Variants in CHST9 observed in about 807,000 individuals in gnomAD.
CHST9 encodes the protein GalNAc-4-sulfotransferase 2.
CHST9 carries 41 observed loss-of-function variants against 44.4 expected under a neutral mutation model. That is an observed-to-expected ratio of 0.92 (90% CI 0.72 to 1.20). The LOEUF is 1.20. Ranked by LOEUF, CHST9 falls within the 50% of genes most tolerant of loss-of-function variation. The probability of loss-of-function intolerance (pLI) is 0.00; values close to 1 mark genes in which losing one functional copy is unlikely to be tolerated. For missense variants in CHST9, 504 were observed against 516.5 expected (o/e 0.98, Z 0.23); for synonymous variants, 171 against 178.4 (o/e 0.96, Z 0.33).
chr18:27,073,032 T>C (rs2057858593), intron 2 of CHST9, among the ~76,000 whole-genome samples: 2 of 152,088 alleles, frequency 1.3e-5, no homozygotes, highest in South Asian at 2.1e-4. Context: ...TTGAGAAGCG[T>C]TGGGCTAAAT....
At position 26,979,668 on chromosome 18, in the gene CHST9, C is replaced by T. The variant is rs1264324480; in HGVS notation, c.203-35302G>A. 2.6e-5 allele frequency among the ~76,000 whole-genome samples: 4 copies of T among 152,122 alleles called. 1 individual carries two copies. The highest frequency in any genetic ancestry group is 4.8e-5 in the African/African-American group (2 of 41,436). On this transcript the variant is annotated intron_variant, in intron 4 of 5. Coordinates refer to ENST00000618847, the MANE Select transcript of CHST9 (RefSeq NM_031422.6). Reference sequence around the variant, plus strand: ...TATATTTGTCATTTTACCAAGAGCTCCTTCAAGTAGGAGCCACGTCTATTT... The same window carrying T: ...TATATTTGTCATTTTACCAAGAGCTTCTTCAAGTAGGAGCCACGTCTATTT...
At chr18:27,094,614 G>A (rs11663330) in intron 2 of CHST9, among the ~76,000 whole-genome samples, 1 of 151,688 alleles carries the variant, frequency 6.6e-6, no homozygotes, top group South Asian at 2.1e-4. Context: ...ATATATCAAA[G>A]AGAGATTTCA....
chr18:27,179,316 T>A (rs1455204015), intron 1 of CHST9, among the ~76,000 whole-genome samples: 1 of 152,030 alleles, frequency 6.6e-6, no homozygotes, highest in Non-Finnish European at 1.5e-5. Flanking sequence ...GAACATGACC[T>A]GCTTGAGGGC....
At chr18:27,060,581 G>C (rs1246965543) in intron 2 of CHST9, among the ~76,000 whole-genome samples, 1 of 152,146 alleles carries the variant, frequency 6.6e-6, no homozygotes, top group Non-Finnish European at 1.5e-5. Context: ...ACAAGACTAA[G>C]AATTTGGCAT....
intron 2 of CHST9, among the ~76,000 whole-genome samples, chr18:27,054,717 AATTTGATGCTGTCTCACCAATAATGAGT>A (rs1351405660): frequency 4.6e-5 from 7 of 152,154 alleles, no homozygotes; most frequent in Non-Finnish European, 7.4e-5. Context: ...CATAAATGGC[AATTTGATGCTGTCTCACCAATAATGAGT>A]ATGGGCATCT....
chr18:26,919,446 T>A (rs1366234784), intron 5 of CHST9, among the ~76,000 whole-genome samples: 1 of 152,206 alleles, frequency 6.6e-6, no homozygotes, highest in Non-Finnish European at 1.5e-5. Context: ...GGGTTATGGG[T>A]GCACATGCAT....
chr18:27,150,705 C>T (rs2058652494), intron 1 of CHST9, among the ~76,000 whole-genome samples: 1 of 152,134 alleles, frequency 6.6e-6, no homozygotes, highest in Non-Finnish European at 1.5e-5. Context: ...ACTTGTCTTT[C>T]TTGACCAGAA....
chr18:27,110,281 G>A (rs930246794), intron 2 of CHST9, among the ~76,000 whole-genome samples: 7 of 151,524 alleles, frequency 4.6e-5, no homozygotes, highest in East Asian at 3.9e-4. Context: ...GTATTTCCTC[G>A]TTTGCATGTG....
intron 4 of CHST9, among the ~76,000 whole-genome samples, chr18:27,001,861 C>A (rs535202140): frequency 2.0e-5 from 3 of 152,038 alleles, no homozygotes; most frequent in African/African-American, 7.2e-5. Context: ...ATCAGAAACA[C>A]CCACGGAACA....
intron 4 of CHST9, among the ~76,000 whole-genome samples, chr18:27,015,323 TTG>T (rs10690815): frequency 0.037 from 5,483 of 146,342 alleles, 138 homozygotes; most frequent in Non-Finnish European, 0.053. Context: ...AGAGAGGCAG[TTG>T]TGTGTGTGTG....
chr18:27,045,623 C>T (rs561955352), intron 3 of CHST9, among the ~76,000 whole-genome samples: 9 of 152,062 alleles, frequency 5.9e-5, no homozygotes, highest in South Asian at 2.1e-4. Context: ...CAAGCCAAAT[C>T]GCCAAATTTA....
At chr18:27,084,407 C>A (rs1206467644) in intron 2 of CHST9, among the ~76,000 whole-genome samples, 1 of 147,758 alleles carries the variant, frequency 6.8e-6, no homozygotes, top group Non-Finnish European at 1.5e-5. Flanking sequence ...TTATTCATTT[C>A]TTGTAGGTTT....
At chr18:27,013,410 TTTGA>T (rs575397606) in intron 4 of CHST9, among the ~76,000 whole-genome samples, 325 of 152,368 alleles carry the variant, frequency 2.1e-3, no homozygotes, top group African/African-American at 6.8e-3. Context: ...TCTTTTATAA[TTTGA>T]TTGATCATTT....
intron 2 of CHST9, among the ~76,000 whole-genome samples, chr18:27,108,840 T>C (rs1359867142): frequency 6.6e-6 from 1 of 152,238 alleles, no homozygotes; most frequent in Non-Finnish European, 1.5e-5. Context: ...TTTTTGTTTT[T>C]TAATTCTGGT....
chr18:26,930,250 A>T (rs756743493), intron 5 of CHST9, among the ~76,000 whole-genome samples: 16 of 152,202 alleles, frequency 1.1e-4, no homozygotes, highest in Non-Finnish European at 2.1e-4. Context: ...GTGGTATCAG[A>T]TCATGCCATG....
At chr18:27,145,381 AC>A (rs909536433) in intron 1 of CHST9, among the ~76,000 whole-genome samples, 87 of 152,194 alleles carry the variant, frequency 5.7e-4, no homozygotes, top group African/African-American at 2.1e-3. Context: ...ATGGAGTTTC[AC>A]CATGTTGGCC....
At chr18:26,983,437 C>T (rs148076736) in intron 4 of CHST9, among the ~76,000 whole-genome samples, 287 of 152,180 alleles carry the variant, frequency 1.9e-3, no homozygotes, top group Non-Finnish European at 2.6e-3. Context: ...TGGTATTTCG[C>T]CCCCAACTCA....
At chr18:27,122,870 G>A (rs931910952) in intron 2 of CHST9, among the ~76,000 whole-genome samples, 2 of 152,060 alleles carry the variant, frequency 1.3e-5, no homozygotes, top group Non-Finnish European at 2.9e-5. Flanking sequence ...TAAAAGGAAA[G>A]CATTTTAAGT....
At chr18:26,954,793 G>T (rs753082957) in intron 4 of CHST9, among the ~76,000 whole-genome samples, 1 of 152,016 alleles carries the variant, frequency 6.6e-6, no homozygotes, top group Admixed American at 6.6e-5. Flanking sequence ...TTATTTGCAG[G>T]TCTGGTTACT....
Sources: gnomAD v4.1 joint callset for allele counts (sites outside exome capture counted in the v4.1 genomes callset) on GRCh38, gnomAD v4.1.1 for gene constraint, MANE v1.5 for transcripts, NCBI Gene and HGNC (gene_info 2026-07-23, HGNC 2026-07-21) for gene names.